The following DOCK8 variants were observed in gnomAD, a reference collection of about 807,000 sequenced individuals.
DOCK8 encodes dedicator of cytokinesis 8.
Under a neutral mutation model 245.6 loss-of-function variants are expected in DOCK8, and 141 were observed. The ratio of observed to expected loss-of-function variants is 0.57; its 90% CI spans 0.50 to 0.66. The LOEUF is 0.66. Among genes scored for constraint, DOCK8 ranks in the 30% least tolerant of loss-of-function variants. The probability of loss-of-function intolerance (pLI) is 0.00; values close to 1 mark genes in which losing one functional copy is unlikely to be tolerated. For synonymous variants in DOCK8, 1,168 were observed against 970.2 expected, an observed-to-expected ratio of 1.20 and a Z score of -3.79; for missense variants, 2,965 against 2,603.4, an observed-to-expected ratio of 1.14 and a Z score of -3.02.
chr9:271,160 T>G (rs2048153968), intron 1 of DOCK8, among the ~76,000 whole-genome samples: 1 of 152,228 alleles, frequency 6.6e-6, no homozygotes, highest in Non-Finnish European at 1.5e-5. Context: ...GAAGTATTCA[T>G]ACAACAGTTC....
intron 5 of DOCK8, among the ~76,000 whole-genome samples, chr9:307,338 G>GTTTTTTTTTTTTT (rs1165775428): frequency 1.8e-4 from 9 of 51,232 alleles, no homozygotes; most frequent in South Asian, 7.3e-4. Flanking sequence ...GGTTTTTTTT[G>GTTTTTTTTTTTTT]TTTTTTTTTT....
In DOCK8 at chr9:434,047, A is replaced by ATGT. The variant is rs2056811128; in HGVS notation, c.4886+73_4886+75dup. 16 of 1,056,702 alleles carry ATGT rather than the reference A, an allele frequency of 1.5e-5. No homozygotes were observed. In the South Asian group the frequency reaches 1.9e-4, roughly 12 times the overall value. The allele number at this position is 1,056,702 out of a possible 1,614,324, so 65.5% of individuals were successfully genotyped here. A position where few individuals can be genotyped will look rare whatever the true frequency, so the allele number is the denominator to read the frequency against. On this transcript the variant is annotated intron_variant, in intron 38 of 47. Transcript: ENST00000432829. ...ATTTGTCACTGTGGAGTTCTTACTAATGTAATGATCACAGCTAACATGGAT... is the reference window on the plus strand; with the variant it reads ...ATTTGTCACTGTGGAGTTCTTACTAATGTTGTAATGATCACAGCTAACATGGAT...
intron 4 of DOCK8, among the ~76,000 whole-genome samples, chr9:292,911 C>T (rs1283311918): frequency 6.6e-6 from 1 of 152,122 alleles, no homozygotes; most frequent in African/African-American, 2.4e-5. Flanking sequence ...GCTTCTGTTC[C>T]CTTATGTGTC....
chr9:409,407 A>G (rs374735558), intron 28 of DOCK8, among the ~76,000 whole-genome samples: 2 of 152,254 alleles, frequency 1.3e-5, no homozygotes, highest in African/African-American at 4.8e-5. Context: ...ACTAAGAACA[A>G]GAAAAACTTT....
rs113882242 is a variant in DOCK8 at position 266,226 on chromosome 9, C to A, written c.54-5401C>A. Among the ~76,000 whole-genome samples, 5 of 152,242 alleles carry A rather than the reference C, an allele frequency of 3.3e-5. 1 individual carries two copies. The highest frequency in any genetic ancestry group is 9.6e-5 in the African/African-American group (4 of 41,540). Reference sequence around the variant, plus strand: ...TCCTCTTTGCTAACAAGGAACTGTGCATATTCCTGTAATAGAATACTTACC... The same window carrying A: ...TCCTCTTTGCTAACAAGGAACTGTGAATATTCCTGTAATAGAATACTTACC... On this transcript the variant is annotated intron_variant, in intron 1 of 47. Coordinates refer to ENST00000432829, the MANE Select transcript of DOCK8 (RefSeq NM_203447.4).
At chr9:299,661 CG>C (rs1271597938) in intron 4 of DOCK8, among the ~76,000 whole-genome samples, 2 of 151,764 alleles carry the variant, frequency 1.3e-5, no homozygotes, top group African/African-American at 4.8e-5. Context: ...ATTTAGCCTG[CG>C]TTTCACCCAG....
At chr9:228,648 A>C (rs773793836) in intron 1 of DOCK8, among the ~76,000 whole-genome samples, 1 of 152,108 alleles carries the variant, frequency 6.6e-6, no homozygotes, top group Non-Finnish European at 1.5e-5. Context: ...TGAGAAAATA[A>C]ATTTCTTTTG....
intron 1 of DOCK8, among the ~76,000 whole-genome samples, chr9:233,289 C>G (rs1327700853): frequency 6.6e-6 from 1 of 152,066 alleles, no homozygotes; most frequent in African/African-American, 2.4e-5. Flanking sequence ...TGTTCTTTTA[C>G]ATTTGCTGAG....
At chr9:405,897 G>A (rs964932989) in intron 27 of DOCK8, among the ~76,000 whole-genome samples, 2 of 152,142 alleles carry the variant, frequency 1.3e-5, no homozygotes, top group African/African-American at 4.8e-5. Context: ...TAAACTTTTT[G>A]CTCCATCCTG....
chr9:242,734 T>C (rs968306620), intron 1 of DOCK8, among the ~76,000 whole-genome samples: 2 of 152,054 alleles, frequency 1.3e-5, no homozygotes, highest in Admixed American at 1.3e-4. Context: ...TGCCAATCAT[T>C]GCCACCAACG....
At chr9:222,417 C>T (rs556870112) in intron 1 of DOCK8, among the ~76,000 whole-genome samples, 1 of 152,274 alleles carries the variant, frequency 6.6e-6, no homozygotes, top group South Asian at 2.1e-4. Flanking sequence ...AGGAAAGAAA[C>T]ATTTTTCAAG....
rs1230963506 is a variant in DOCK8 at position 258,625 on chromosome 9, T to A, written c.54-13002T>A. ...TTTTTTTTTTTTTTTTGAGATGGAG[T>A]CTTGCTCTGTTGCCCAGGCTGGGGT... On this transcript the variant is annotated intron_variant, in intron 1 of 47. Coordinates refer to ENST00000432829, the MANE Select transcript of DOCK8 (RefSeq NM_203447.4). Among the ~76,000 whole-genome samples, 3 of 130,308 alleles carry A rather than the reference T, an allele frequency of 2.3e-5. No homozygotes were observed. In the East Asian group the frequency reaches 6.6e-4, roughly 29 times the overall value. 85.5% of individuals were successfully genotyped at this position (130,308 alleles called of 152,430 possible).
intron 2 of DOCK8, among the ~76,000 whole-genome samples, chr9:282,449 C>A (rs570358138): frequency 2.2e-5 from 3 of 137,322 alleles, no homozygotes; most frequent in Non-Finnish European, 4.6e-5. Flanking sequence ...GAGACAGGGT[C>A]TTCCTGTCAC....
chr9:439,478 C>T, intron 40 of DOCK8, 90 bp downstream of exon 40: 2 of 1,549,672 alleles, frequency 1.3e-6, no homozygotes, highest in South Asian at 1.1e-5. Context: ...ATGGCCCAGT[C>T]AGCCCCACTT....
intron 1 of DOCK8, among the ~76,000 whole-genome samples, chr9:240,288 A>G (rs1167586549): frequency 6.6e-6 from 1 of 152,126 alleles, no homozygotes; most frequent in Non-Finnish European, 1.5e-5. Context: ...ATAAGATGGA[A>G]CTAAACCCAT....
Position 419,081 on chromosome 9 carries a change from C to G in DOCK8, c.3840+874C>G, listed in dbSNP as rs115793053. ...AGTTGAGGTGGGATTCATCTCTGTT[C>G]ATTGATGAGCTCTGACTATCCCTTG... On this transcript the variant is annotated intron_variant, in intron 30 of 47. Transcript: ENST00000432829. Among the ~76,000 whole-genome samples, 970 of 152,278 alleles carry G rather than the reference C, an allele frequency of 6.4e-3. 10 individuals are homozygous for G. Among genetic ancestry groups the G allele is most frequent in the African/African-American group, 0.022 (914 of 41,560 alleles).
intron 1 of DOCK8, among the ~76,000 whole-genome samples, chr9:217,470 A>G (rs926039772): frequency 6.6e-6 from 1 of 152,230 alleles, no homozygotes; most frequent in Non-Finnish European, 1.5e-5. Context: ...ATATGTGATG[A>G]AATCTGATCA....
At chr9:252,298 G>A (rs1358427027) in intron 1 of DOCK8, among the ~76,000 whole-genome samples, 2 of 151,766 alleles carry the variant, frequency 1.3e-5, no homozygotes, top group Non-Finnish European at 2.9e-5. Context: ...CAGCCTGACA[G>A]GTTTGGAACT....
intron 1 of DOCK8, among the ~76,000 whole-genome samples, chr9:235,733 G>A (rs940618933): frequency 6.6e-6 from 1 of 152,162 alleles, no homozygotes; most frequent in Non-Finnish European, 1.5e-5. Context: ...CTGGTGTGCC[G>A]TTTTTTAAGC....
Sources: allele counts gnomAD v4.1 joint callset (sites outside exome capture counted in the v4.1 genomes callset), GRCh38; gene constraint gnomAD v4.1.1; transcripts MANE v1.5; gene names NCBI Gene and HGNC (gene_info 2026-07-23, HGNC 2026-07-21).